The following LRP1B variants were observed in gnomAD, a reference collection of about 807,000 sequenced individuals.
LRP1B encodes the protein low-density lipoprotein receptor-related protein 1B.
In LRP1B, 217 loss-of-function variants were observed where a neutral mutation model predicts 556.6. That is an observed-to-expected ratio of 0.39 (90% confidence interval 0.35 to 0.44). The LOEUF (loss-of-function observed/expected upper bound fraction) is 0.44. Ranked by LOEUF, LRP1B falls within the 20% of genes least tolerant of loss-of-function variation. The probability of loss-of-function intolerance (pLI) is 1.00; values close to 1 mark genes in which losing one functional copy is unlikely to be tolerated. For synonymous variants in LRP1B, 2,047 were observed against 1,865.8 expected (o/e 1.10, Z -2.50); for missense variants, 5,053 against 5,620.8 (o/e 0.90, Z 3.23).
chr2:141,369,215 A>G (rs1025670015), intron 3 of LRP1B, among the ~76,000 whole-genome samples: 5 of 152,290 alleles, frequency 3.3e-5, no homozygotes, highest in Admixed American at 3.3e-4. Context: ...TCTTAAGTAA[A>G]ATGGATTTAA....
intron 32 of LRP1B, among the ~76,000 whole-genome samples, chr2:140,802,629 G>GT (rs1690555053): frequency 6.6e-6 from 1 of 152,144 alleles, no homozygotes; most frequent in African/African-American, 2.4e-5. Context: ...TTCTAGTGAT[G>GT]CTTTATATGA....
At chr2:142,115,443 CTG>C (rs1707152141) in intron 1 of LRP1B, among the ~76,000 whole-genome samples, 1 of 120,850 alleles carries the variant, frequency 8.3e-6, no homozygotes, top group Non-Finnish European at 1.6e-5. Flanking sequence ...AATAAAATAT[CTG>C]TGAGTCTATA....
intron 2 of LRP1B, among the ~76,000 whole-genome samples, chr2:141,608,272 T>C (rs958911501): frequency 2.0e-5 from 3 of 152,194 alleles, no homozygotes; most frequent in Admixed American, 2.0e-4. Flanking sequence ...TTCAATGCCA[T>C]ATACTGCATG....
At chr2:140,722,324 C>T (rs892258539) in intron 35 of LRP1B, among the ~76,000 whole-genome samples, 1 of 152,200 alleles carries the variant, frequency 6.6e-6, no homozygotes, top group South Asian at 2.1e-4. Context: ...GAGACATACA[C>T]TATCATTTCT....
intron 47 of LRP1B, among the ~76,000 whole-genome samples, chr2:140,533,797 T>C (rs1339000339): frequency 6.6e-6 from 1 of 152,026 alleles, no homozygotes; most frequent in Non-Finnish European, 1.5e-5. Context: ...GGCGAGAAAT[T>C]ATAAGAGTTT....
chr2:141,350,778 C>T (rs1361889712), intron 3 of LRP1B, among the ~76,000 whole-genome samples: 2 of 151,906 alleles, frequency 1.3e-5, no homozygotes, highest in African/African-American at 4.8e-5. Context: ...TTGCACTTGC[C>T]TGATCAAGTC....
In LRP1B at chr2:141,466,950, G is replaced by GATATATATATATATATATATAT. The variant is rs59093011; in HGVS notation, c.343+13424_343+13445dup. On this transcript the variant is annotated intron_variant, in intron 3 of 90. Transcript: ENST00000389484. ...ATAAGTGAAAAGGAAGTGCTCAGGG[G>GATATATATATATATATATATAT]ATATATATATATATATATATATCCC... 1.8e-3 allele frequency among the ~76,000 whole-genome samples: 252 copies of GATATATATATATATATATATAT among 140,758 alleles called. 1 individual carries two copies. Among genetic ancestry groups the GATATATATATATATATATATAT allele is most frequent in the South Asian group, 6.3e-3 (26 of 4,132 alleles). 92.3% of individuals were successfully genotyped at this position (140,758 alleles called of 152,430 possible). A position where few individuals can be genotyped will look rare whatever the true frequency, so the allele number is the denominator to read the frequency against.
At chr2:141,909,780 G>A (rs1699860867) in intron 1 of LRP1B, among the ~76,000 whole-genome samples, 1 of 151,800 alleles carries the variant, frequency 6.6e-6, no homozygotes, top group African/African-American at 2.4e-5. Flanking sequence ...TGCAACATAA[G>A]AAATTCTAAC....
chr2:141,790,548 A>G (rs973528192), intron 2 of LRP1B, among the ~76,000 whole-genome samples: 2 of 151,776 alleles, frequency 1.3e-5, no homozygotes, highest in African/African-American at 4.8e-5. Context: ...TATCTAATTT[A>G]TGTAGTGGGA....
intron 35 of LRP1B, among the ~76,000 whole-genome samples, chr2:140,761,683 C>T (rs753047220): frequency 2.0e-5 from 3 of 152,106 alleles, no homozygotes; most frequent in Non-Finnish European, 4.4e-5. Flanking sequence ...GAACAGAATC[C>T]TGCCAACAGC....
At chr2:141,712,202 A>G (rs562445910) in intron 2 of LRP1B, among the ~76,000 whole-genome samples, 81 of 151,138 alleles carry the variant, frequency 5.4e-4, no homozygotes, top group African/African-American at 1.9e-3. Flanking sequence ...TGTAATGCCA[A>G]TTGGAACTCA....
chr2:141,005,840 A>G (rs1185694871), intron 14 of LRP1B, among the ~76,000 whole-genome samples: 1 of 151,992 alleles, frequency 6.6e-6, no homozygotes, highest in African/African-American at 2.4e-5. Context: ...AGGGAACAGA[A>G]AGCAAGTGAG....
chr2:140,432,223 G>A (rs1007490374), intron 66 of LRP1B, among the ~76,000 whole-genome samples: 1 of 152,014 alleles, frequency 6.6e-6, no homozygotes, highest in Non-Finnish European at 1.5e-5. Context: ...GCCCACCAGA[G>A]AACAACCCCC....
At chr2:142,046,318 A>G (rs1319300043) in intron 1 of LRP1B, among the ~76,000 whole-genome samples, 1 of 151,958 alleles carries the variant, frequency 6.6e-6, no homozygotes, top group East Asian at 1.9e-4. Context: ...GGCTCATTCC[A>G]GTTCCAGCAT....
intron 3 of LRP1B, among the ~76,000 whole-genome samples, chr2:141,414,779 C>A (rs4954904): frequency 1 from 152,109 of 152,344 alleles, 75,937 homozygotes; most frequent in Non-Finnish European, 1. Context: ...TCCAAATAAC[C>A]GTCTTCTTGT....
chr2:141,491,273 A>G (rs182719470), intron 2 of LRP1B, among the ~76,000 whole-genome samples: 2 of 152,230 alleles, frequency 1.3e-5, no homozygotes, highest in African/African-American at 4.8e-5. Flanking sequence ...TAGAAATCCT[A>G]TTGAGTCCTT....
chr2:141,866,079 G>T (rs1472054047), intron 1 of LRP1B, among the ~76,000 whole-genome samples: 1 of 152,174 alleles, frequency 6.6e-6, no homozygotes, highest in Non-Finnish European at 1.5e-5. Context: ...TGTCCTTGAG[G>T]ATTTTAGTGA....
At chr2:140,744,765 T>A (rs1334475142) in intron 35 of LRP1B, among the ~76,000 whole-genome samples, 1 of 152,206 alleles carries the variant, frequency 6.6e-6, no homozygotes, top group Non-Finnish European at 1.5e-5. Flanking sequence ...CTTCTAGGCA[T>A]TTATCATTAT....
intron 82 of LRP1B, among the ~76,000 whole-genome samples, chr2:140,318,608 C>A (rs953580469): frequency 6.6e-6 from 1 of 151,982 alleles, no homozygotes; most frequent in Admixed American, 6.6e-5. Context: ...CTTCTATGCA[C>A]GTTATTGCTA....
Sources: gnomAD v4.1 joint callset for allele counts (sites outside exome capture counted in the v4.1 genomes callset) on GRCh38, gnomAD v4.1.1 for gene constraint, MANE v1.5 for transcripts, NCBI Gene and HGNC (gene_info 2026-07-23, HGNC 2026-07-21) for gene names.